The following PPIE variants were observed in gnomAD, a reference collection of about 807,000 sequenced individuals.
PPIE encodes the protein peptidyl-prolyl cis-trans isomerase E.
PPIE carries 20 observed loss-of-function variants against 38.4 expected under a neutral mutation model. The observed-to-expected ratio is 0.52, with a 90% CI of 0.37 to 0.76. The LOEUF (loss-of-function observed/expected upper bound fraction) is 0.76, where lower values mean the gene tolerates loss of function less well. PPIE is among the 30% of genes least tolerant of loss of function. The pLI is 0.00. For missense variants in PPIE, 322 were observed against 385.8 expected, an observed-to-expected ratio of 0.83 and a Z score of 1.39; for synonymous variants, 142 against 135.7, an observed-to-expected ratio of 1.05 and a Z score of -0.32.
At position 39,743,818 on chromosome 1, in the gene PPIE, T is replaced by A; in HGVS notation, c.284-6T>A. On this transcript the variant is annotated splice_region_variant and splice_polypyrimidine_tract_variant and intron_variant, in intron 5 of 9. Transcript: ENST00000324379. Reference sequence around the variant, plus strand: ...AATGAACATTTGTTTGATTCTTTCCTTTCAGTTTGGTCAGATGATGACTGG... The same window carrying A: ...AATGAACATTTGTTTGATTCTTTCCATTCAGTTTGGTCAGATGATGACTGG... 6.2e-7 allele frequency: 1 copy of A among 1,608,450 alleles called. No homozygotes were observed. The highest frequency in any genetic ancestry group is 8.5e-7 in the Non-Finnish European group (1 of 1,175,336).
At chr1:39,743,148 T>A in intron 4 of PPIE, 68 bp from the exon 5 acceptor site, 1 of 1,339,010 alleles carries the variant, frequency 7.5e-7, no homozygotes, top group Non-Finnish European at 1.1e-6. Context: ...CTCAGAAGTA[T>A]ATGGAAAGCT....
At position 39,745,428 on chromosome 1, in the gene PPIE, C is replaced by T; in HGVS notation, c.438C>T (p.Ile146=). The T allele has an allele frequency of 6.2e-7, 1 of 1,614,234 alleles. No individual in the cohort carries two copies. The highest frequency in any genetic ancestry group is 1.3e-5 in the African/African-American group (1 of 75,058). Residue 146 remains isoleucine (I), a synonymous_variant, in exon 7 of 10, where the codon ATC becomes ATT. Coordinates refer to ENST00000324379, the MANE Select transcript of PPIE (RefSeq NM_006112.4). ...ARSNPQVYMD[I]KIGNKPAGRI... is the part of the protein sequence containing the mutation. ...CAAATCCTCAGGTGTACATGGACATCAAGATTGGGAACAAGCCGGCTGGCC... is the reference window on the plus strand; with the variant it reads ...CAAATCCTCAGGTGTACATGGACATTAAGATTGGGAACAAGCCGGCTGGCC...
Position 39,763,224 on chromosome 1 carries a change from G to T in PPIE, c.838-465G>T, listed in dbSNP as rs1399226875. On this transcript the variant is annotated intron_variant, in intron 9 of 9. Transcript: ENST00000356511. ...AGTCCTGGGGGGCAAGGGAGAAGGT[G>T]AGTCCCATCCATGTGCCCCTCCCTG... 1.9e-6 allele frequency: 3 copies of T among 1,590,424 alleles called. No homozygotes were observed. In the African/African-American group the frequency reaches 4.0e-5, roughly 21 times the overall value.
chr1:39,749,605 T>G (rs1186291798), intron 8 of PPIE, among the ~76,000 whole-genome samples: 1 of 152,068 alleles, frequency 6.6e-6, no homozygotes, highest in Non-Finnish European at 1.5e-5. Context: ...CCTTCCCACC[T>G]CATCTAATGC....
intron 2 of PPIE, 63 bp downstream of exon 2, chr1:39,740,326 TCA>T (rs1647027313): frequency 7.4e-7 from 1 of 1,346,220 alleles, no homozygotes. Context: ...AAAATTAAAG[TCA>T]CATCACAATT....
chr1:39,762,235 TTTAA>T (rs1649094691), intron 9 of PPIE: 1 of 319,786 alleles, frequency 3.1e-6, no homozygotes, highest in African/African-American at 2.1e-5. Context: ...GTGTGTGTGT[TTTAA>T]TTTTTATTTT....
At chr1:39,752,505 A>G (rs1420734712) in intron 8 of PPIE, among the ~76,000 whole-genome samples, 1 of 152,208 alleles carries the variant, frequency 6.6e-6, no homozygotes, top group Non-Finnish European at 1.5e-5. Context: ...ATATACATGT[A>G]CATTCTCTTA....
chr1:39,741,965 G>T, intron 4 of PPIE, 44 bp downstream of exon 4: 1 of 1,605,604 alleles, frequency 6.2e-7, no homozygotes, highest in South Asian at 1.1e-5. Context: ...GCTTTTTGGT[G>T]GTACAGAGGC....
In PPIE at chr1:39,753,329, A is replaced by G. The variant is rs1233158443; in HGVS notation, c.880A>G (p.Ile294Val). 1.9e-6 allele frequency: 3 copies of G among 1,614,216 alleles called. No homozygotes were observed. The highest frequency in any genetic ancestry group is 2.5e-6 in the Non-Finnish European group (3 of 1,180,018). ...CGGGAAGCCAAAGCAGAAGGTGATCATCGCCGACTGTGGGGAGTACGTGTG... is the reference window on the plus strand; with the variant it reads ...CGGGAAGCCAAAGCAGAAGGTGATCGTCGCCGACTGTGGGGAGTACGTGTG... ...KDGKPKQKVI[I>V]ADCGEYV The change falls in exon 10 of 10, where the codon ATC (isoleucine) becomes GTC (valine). Residue 294 changes from isoleucine to valine, a missense_variant. Transcript: ENST00000324379.
intron 9 of PPIE, chr1:39,762,508 T>C: frequency 6.5e-7 from 1 of 1,548,446 alleles, no homozygotes; most frequent in South Asian, 1.2e-5. Context: ...CCTGCTTTTG[T>C]CCTTTAAGGT....
chr1:39,756,448 A>G lies in PPIE; in HGVS notation c.*3093A>G. 1.0e-6 allele frequency: 1 copy of G among 985,458 alleles called. No individual in the cohort carries two copies. The highest frequency in any genetic ancestry group is 1.2e-6 in the Non-Finnish European group (1 of 829,936). 61.0% of individuals were successfully genotyped at this position (985,458 alleles called of 1,614,324 possible). A position where few individuals can be genotyped will look rare whatever the true frequency, so the allele number is the denominator to read the frequency against. On this transcript the variant is annotated 3_prime_UTR_variant, in exon 10 of 10. Coordinates refer to ENST00000324379, the MANE Select transcript of PPIE (RefSeq NM_006112.4). ...TACAAAGGCTGAAACCAGGGATGGC[A>G]GGCCCAGGATCAGTGCTGTGGCTGT... is the stretch of plus-strand genomic sequence containing the variant.
At chr1:39,756,911 G>A (rs1648334596), downstream of PPIE, among the ~76,000 whole-genome samples, 2 of 152,148 alleles carry the variant, frequency 1.3e-5, no homozygotes, top group African/African-American at 4.8e-5. Context: ...GCCCATCCAG[G>A]GTTCCTTTCA....
chr1:39,755,064 T>C lies in PPIE; in HGVS notation c.*1709T>C. 1 of 985,426 alleles carries C rather than the reference T, an allele frequency of 1.0e-6. No individual in the cohort carries two copies. Among genetic ancestry groups the C allele is most frequent in the Middle Eastern group, 5.2e-4 (1 of 1,914 alleles). The allele number at this position is 985,426 out of a possible 1,614,324, so 61.0% of individuals were successfully genotyped here. ...CCCCCTGCTGAGCTCACAGTCTGGC[T>C]CTCCTGTGTGCAGCCACTTCTTGGA... On this transcript the variant is annotated 3_prime_UTR_variant, in exon 10 of 10. Transcript: ENST00000324379.
At chr1:39,740,333 ACAATTC>A (rs1195633767) in intron 2 of PPIE, 70 bp downstream of exon 2, 1 of 1,263,458 alleles carries the variant, frequency 7.9e-7, no homozygotes, top group East Asian at 2.4e-5. Context: ...AAGTCACATC[ACAATTC>A]TAAATATGCA....
chr1:39,762,442 A>C, intron 9 of PPIE: 1 of 1,470,186 alleles, frequency 6.8e-7, no homozygotes, highest in East Asian at 2.5e-5. Flanking sequence ...CGGTGCCAGA[A>C]TCCACAAACA....
intron 6 of PPIE, among the ~76,000 whole-genome samples, chr1:39,745,104 T>G (rs1193780604): frequency 6.6e-6 from 1 of 152,184 alleles, no homozygotes; most frequent in African/African-American, 2.4e-5. Context: ...AGGAAGCAGA[T>G]GCATCTGAGG....
chr1:39,739,112 C>T (rs1012374318), intron 1 of PPIE, 181 bp downstream of exon 1: 31 of 582,246 alleles, frequency 5.3e-5, no homozygotes, highest in Non-Finnish European at 7.8e-5. Context: ...TTCCCACTGT[C>T]CTCAGGAAAA....
intron 8 of PPIE, among the ~76,000 whole-genome samples, chr1:39,752,677 G>A (rs113728399): frequency 2.6e-5 from 4 of 152,294 alleles, no homozygotes; most frequent in African/African-American, 9.6e-5. Context: ...ACACTTAATT[G>A]TTAAATAAAT....
At chr1:39,760,958 C>T (rs144669720), downstream of PPIE, among the ~76,000 whole-genome samples, 2,556 of 152,164 alleles carry the variant, frequency 0.017, 47 homozygotes, top group Non-Finnish European at 0.028. Flanking sequence ...TCTTTTGGCC[C>T]TTCGGACCCC....
Sources: allele counts gnomAD v4.1 joint callset (sites outside exome capture counted in the v4.1 genomes callset), GRCh38; gene constraint gnomAD v4.1.1; transcripts MANE v1.5; gene names NCBI Gene and HGNC (gene_info 2026-07-23, HGNC 2026-07-21).